SLC7A11: variants seen among roughly 807,000 people sequenced by gnomAD.
The protein encoded by SLC7A11 is solute carrier family 7 member 11, also known as cystine/glutamate transporter.
Under a neutral mutation model 54.5 loss-of-function variants are expected in SLC7A11, and 35 were observed. The observed-to-expected ratio is 0.64, with a 90% CI of 0.49 to 0.85. The LOEUF is 0.85. Ranked by LOEUF, SLC7A11 falls within the 40% of genes least tolerant of loss-of-function variation. The pLI, the probability that SLC7A11 is intolerant of heterozygous loss-of-function variation, is 0.00. For missense variants in SLC7A11, 583 were observed against 618.1 expected (o/e 0.94, Z 0.60); for synonymous variants, 230 against 225.2 (o/e 1.02, Z -0.19).
At position 138,167,855 on chromosome 4, in the gene SLC7A11, C is replaced by A. The variant is rs896064436; in HGVS notation, c.*4101G>T. ...TCATGGGCATTCAAATCCCACATCT[C>A]TCTATATTTCTTTCCCAACTAAGAG... On this transcript the variant is annotated 3_prime_UTR_variant, in exon 12 of 12. Coordinates refer to ENST00000280612, the MANE Select transcript of SLC7A11 (RefSeq NM_014331.4). The A allele has an allele frequency of 2.0e-5, 3 of 152,104 alleles. No individual in the cohort carries two copies. Among genetic ancestry groups the A allele is most frequent in the African/African-American group, 4.8e-5 (2 of 41,440 alleles). 9.4% of individuals were successfully genotyped at this position (152,104 alleles called of 1,614,324 possible).
chr4:138,229,056 T>G (rs1738014206), intron 3 of SLC7A11, among the ~76,000 whole-genome samples: 1 of 152,216 alleles, frequency 6.6e-6, no homozygotes. Flanking sequence ...TTGAAATTCT[T>G]TTTTTCTATG....
chr4:138,213,626 A>C (rs528703771), intron 6 of SLC7A11, among the ~76,000 whole-genome samples: 84 of 151,830 alleles, frequency 5.5e-4, no homozygotes, highest in African/African-American at 1.9e-3. Flanking sequence ...CATTTGAGAC[A>C]CTATTATAAA....
In SLC7A11 at chr4:138,170,228, T is replaced by A. The variant is rs866530290; in HGVS notation, c.*1728A>T. 19 of 123,284 alleles carry A rather than the reference T, an allele frequency of 1.5e-4. No individual in the cohort carries two copies. The highest frequency in any genetic ancestry group is 5.7e-4 in the African/African-American group (19 of 33,338). The allele number at this position is 123,284 out of a possible 1,614,324, so 7.6% of individuals were successfully genotyped here. A position where few individuals can be genotyped will look rare whatever the true frequency, so the allele number is the denominator to read the frequency against. ...CACTATATATATATATATATATATA[T>A]AAAAAGTGTGTGTGTGTGTGTGTAT... On this transcript the variant is annotated 3_prime_UTR_variant, in exon 12 of 12. Coordinates refer to ENST00000280612, the MANE Select transcript of SLC7A11 (RefSeq NM_014331.4).
chr4:138,186,615 G>A (rs1736887072), intron 6 of SLC7A11, among the ~76,000 whole-genome samples: 1 of 152,144 alleles, frequency 6.6e-6, no homozygotes, highest in African/African-American at 2.4e-5. Flanking sequence ...AGTGTGAAGA[G>A]GGTCCTGTGG....
chr4:138,224,690 A>C (rs961695823), intron 3 of SLC7A11, among the ~76,000 whole-genome samples: 3 of 152,120 alleles, frequency 2.0e-5, no homozygotes, highest in African/African-American at 7.2e-5. Flanking sequence ...ACTTAAAATT[A>C]TGAGGCAGTT....
rs2148402147 is a variant in SLC7A11 at position 138,165,569 on chromosome 4, C to A, written c.*6387G>T. Reference sequence around the variant, plus strand: ...ATATGATGCTCATATTTGCAAAGTTCCCAAATGTTGAGAAGTTCTAGTGAA... The same window carrying A: ...ATATGATGCTCATATTTGCAAAGTTACCAAATGTTGAGAAGTTCTAGTGAA... On this transcript the variant is annotated 3_prime_UTR_variant, in exon 12 of 12. Transcript: ENST00000280612. 1 of 152,232 alleles carries A rather than the reference C, an allele frequency of 6.6e-6. No homozygotes were observed. Among genetic ancestry groups the A allele is most frequent in the Non-Finnish European group, 1.5e-5 (1 of 67,978 alleles). The allele number at this position is 152,232 out of a possible 1,614,324, so 9.4% of individuals were successfully genotyped here.
chr4:138,208,799 C>CTCATG (rs1553944000), intron 6 of SLC7A11, among the ~76,000 whole-genome samples: 1 of 151,912 alleles, frequency 6.6e-6, no homozygotes, highest in African/African-American at 2.4e-5. Flanking sequence ...AGGCAATACT[C>CTCATG]TTATTATAAA....
chr4:138,223,725 G>C (rs779234630), intron 3 of SLC7A11, among the ~76,000 whole-genome samples: 7 of 152,152 alleles, frequency 4.6e-5, no homozygotes, highest in Non-Finnish European at 1.0e-4. Context: ...CTGTCTCTAT[G>C]ATGGTATGCC....
At chr4:138,225,160 AT>A (rs1248168252) in intron 3 of SLC7A11, among the ~76,000 whole-genome samples, 2 of 145,504 alleles carry the variant, frequency 1.4e-5, no homozygotes, top group African/African-American at 2.5e-5. Context: ...ATATATATAT[AT>A]ATATATATAT....
chr4:138,203,433 A>G (rs1737335029), intron 6 of SLC7A11, among the ~76,000 whole-genome samples: 1 of 152,090 alleles, frequency 6.6e-6, no homozygotes, highest in African/African-American at 2.4e-5. Flanking sequence ...GGGAAAATAA[A>G]TGATAGTATC....
intron 6 of SLC7A11, among the ~76,000 whole-genome samples, chr4:138,200,960 C>T (rs186677427): frequency 1.4e-4 from 22 of 152,116 alleles, no homozygotes; most frequent in East Asian, 3.9e-4. Flanking sequence ...TCTTAGAGAA[C>T]GGCCATGACC....
intron 3 of SLC7A11, among the ~76,000 whole-genome samples, chr4:138,226,914 C>A (rs1001944079): frequency 2.6e-5 from 4 of 152,084 alleles, no homozygotes; most frequent in Non-Finnish European, 4.4e-5. Context: ...AATAAAAATA[C>A]AGGGACATAT....
chr4:138,179,933 T>C (rs1168527783), intron 10 of SLC7A11, among the ~76,000 whole-genome samples: 3 of 152,138 alleles, frequency 2.0e-5, no homozygotes, highest in Non-Finnish European at 4.4e-5. Flanking sequence ...CAATGAATAT[T>C]ACTAGAAACA....
intron 4 of SLC7A11, among the ~76,000 whole-genome samples, chr4:138,219,629 A>C (rs1163611066): frequency 6.6e-6 from 1 of 152,212 alleles, no homozygotes; most frequent in Non-Finnish European, 1.5e-5. Context: ...CCTCTGTTTG[A>C]GTATGCCTCT....
At chr4:138,238,832 G>C (rs975856296) in intron 1 of SLC7A11, among the ~76,000 whole-genome samples, 11 of 151,902 alleles carry the variant, frequency 7.2e-5, no homozygotes, top group African/African-American at 2.7e-4. Context: ...GGAACTCCTG[G>C]GCTCAAGGGG....
chr4:138,187,523 C>T (rs1348806735), intron 6 of SLC7A11, among the ~76,000 whole-genome samples: 1 of 152,166 alleles, frequency 6.6e-6, no homozygotes, highest in Non-Finnish European at 1.5e-5. Context: ...CACACCCTAC[C>T]TTGAAATTCG....
chr4:138,209,996 C>T (rs1737509274), intron 6 of SLC7A11, among the ~76,000 whole-genome samples: 1 of 151,996 alleles, frequency 6.6e-6, no homozygotes, highest in African/African-American at 2.4e-5. Context: ...TCAAACCATA[C>T]TATAGGGTTA....
At chr4:138,229,856 T>G (rs1312722390) in intron 3 of SLC7A11, among the ~76,000 whole-genome samples, 1 of 152,230 alleles carries the variant, frequency 6.6e-6, no homozygotes, top group Non-Finnish European at 1.5e-5. Context: ...AGTCTTCTGG[T>G]TATGGCTTTT....
chr4:138,228,533 C>T (rs977270892), intron 3 of SLC7A11, among the ~76,000 whole-genome samples: 13 of 151,730 alleles, frequency 8.6e-5, no homozygotes, highest in African/African-American at 2.7e-4. Flanking sequence ...CCGAGGCGGG[C>T]GGCTCATGAG....
Sources: allele counts gnomAD v4.1 joint callset (sites outside exome capture counted in the v4.1 genomes callset), GRCh38; gene constraint gnomAD v4.1.1; transcripts MANE v1.5; gene names NCBI Gene and HGNC (gene_info 2026-07-23, HGNC 2026-07-21).